Variants in ATRNL1 observed in about 807,000 individuals in gnomAD.
The protein encoded by ATRNL1 is attractin like 1, also known as attractin-like protein 1.
Under a neutral mutation model 182.7 loss-of-function variants are expected in ATRNL1, and 95 were observed. That is an observed-to-expected ratio of 0.52 (90% CI 0.44 to 0.62). The LOEUF is 0.62. Ranked by LOEUF, ATRNL1 falls within the 20% of genes least tolerant of loss-of-function variation. ATRNL1 has a pLI of 0.00. For synonymous variants in ATRNL1, 576 were observed against 568.3 expected, an observed-to-expected ratio of 1.01 and a Z score of -0.19; for missense variants, 1,471 against 1,679.5, an observed-to-expected ratio of 0.88 and a Z score of 2.17.
At chr10:115,473,114 T>C (rs1463150036) in intron 24 of ATRNL1, among the ~76,000 whole-genome samples, 3 of 151,310 alleles carry the variant, frequency 2.0e-5, no homozygotes, top group African/African-American at 7.3e-5. Context: ...ATAATTTTTG[T>C]CCTTCATTCT....
At chr10:115,328,917 A>G (rs1554934221) in intron 18 of ATRNL1, among the ~76,000 whole-genome samples, 2 of 152,116 alleles carry the variant, frequency 1.3e-5, no homozygotes, top group African/African-American at 4.8e-5. Flanking sequence ...GTGCTGCAAT[A>G]TATTAATACA....
chr10:115,759,483 C>G (rs543711430), intron 27 of ATRNL1, among the ~76,000 whole-genome samples: 202 of 151,994 alleles, frequency 1.3e-3, no homozygotes, highest in African/African-American at 4.4e-3. Flanking sequence ...TCAGATGACC[C>G]CTGGGGGAGT....
intron 26 of ATRNL1, among the ~76,000 whole-genome samples, chr10:115,696,888 AGAGAGAGAGAGC>A (rs1444707717): frequency 4.6e-5 from 7 of 150,706 alleles, no homozygotes; most frequent in African/African-American, 1.2e-4. Flanking sequence ...AGAGAGAGAG[AGAGAGAGAGAGC>A]GAGCGAGCTA....
chr10:115,750,718 A>G (rs1188664766), intron 27 of ATRNL1, among the ~76,000 whole-genome samples: 1 of 152,068 alleles, frequency 6.6e-6, no homozygotes, highest in East Asian at 1.9e-4. Flanking sequence ...AATTTTTGTC[A>G]TAAACAAAGG....
chr10:115,414,667 A>ATTTTT (rs1394831880), intron 20 of ATRNL1, among the ~76,000 whole-genome samples: 1 of 151,834 alleles, frequency 6.6e-6, no homozygotes. Context: ...CTTTCCTTTC[A>ATTTTT]TAAAAGTAAA....
intron 19 of ATRNL1, among the ~76,000 whole-genome samples, chr10:115,383,349 T>C (rs1314068673): frequency 6.6e-6 from 1 of 151,948 alleles, no homozygotes; most frequent in Non-Finnish European, 1.5e-5. Flanking sequence ...TTTTAAAAAA[T>C]GATAATTATG....
intron 25 of ATRNL1, among the ~76,000 whole-genome samples, chr10:115,539,645 C>T (rs1852237219): frequency 6.6e-6 from 1 of 152,156 alleles, no homozygotes; most frequent in African/African-American, 2.4e-5. Context: ...AGGGAGACCT[C>T]CCTCCCATTT....
chr10:115,946,253 T>C lies in ATRNL1; in HGVS notation c.*1474T>C, dbSNP rs782481520. The C allele has an allele frequency of 5.9e-5, 9 of 152,346 alleles. No homozygotes were observed. The highest frequency in any genetic ancestry group is 1.4e-4 in the African/African-American group (6 of 41,592). The allele number at this position is 152,346 out of a possible 1,614,324, so 9.4% of individuals were successfully genotyped here. ...TTTCTGGAAGGTTATGACACTTTAC[T>C]GTTTACAGCTAATGCATAGTTACTT... is the stretch of plus-strand genomic sequence containing the variant. On this transcript the variant is annotated 3_prime_UTR_variant, in exon 29 of 29. Coordinates refer to ENST00000355044, the MANE Select transcript of ATRNL1 (RefSeq NM_207303.4).
chr10:115,639,764 A>G (rs924415434), intron 26 of ATRNL1, among the ~76,000 whole-genome samples: 14 of 152,180 alleles, frequency 9.2e-5, no homozygotes, highest in Non-Finnish European at 1.8e-4. Flanking sequence ...AAGGCAAAAG[A>G]AGAGAGAGGG....
In ATRNL1 at chr10:115,586,738, CCTT is replaced by C. The variant is rs1170540618; in HGVS notation, c.3795+37208_3795+37210del. Reference sequence around the variant, plus strand: ...CTCAGAGTAATTTGATCGTCTGAAGCCTTCTTCTCTCAGCTCGTCAAAGTCATT... The same window carrying C: ...CTCAGAGTAATTTGATCGTCTGAAGCCTTCTCTCAGCTCGTCAAAGTCATT... On this transcript the variant is annotated intron_variant, in intron 26 of 28. Transcript: ENST00000355044. 1.7e-5 allele frequency among the ~76,000 whole-genome samples: 2 copies of C among 120,206 alleles called. 1 individual carries two copies. Among genetic ancestry groups the C allele is most frequent in the Non-Finnish European group, 3.7e-5 (2 of 54,114 alleles). The allele number at this position is 120,206 out of a possible 152,430, so 78.9% of individuals were successfully genotyped here.
chr10:115,927,503 C>T (rs1322927080), intron 28 of ATRNL1, among the ~76,000 whole-genome samples: 4 of 152,010 alleles, frequency 2.6e-5, no homozygotes, highest in Admixed American at 6.6e-5. Context: ...GAGAATCTTG[C>T]TATGATCTAA....
At chr10:115,418,506 T>A (rs2134366052) in intron 20 of ATRNL1, among the ~76,000 whole-genome samples, 1 of 151,108 alleles carries the variant, frequency 6.6e-6, no homozygotes, top group Admixed American at 6.6e-5. Context: ...CAAGAAGGAG[T>A]TGAGAGACAA....
Position 115,847,955 on chromosome 10 carries a change from C to A in ATRNL1, c.3982C>A (p.Arg1328=), listed in dbSNP as rs782226311. ...TCTGACTGTGTTTCTTTGTCTACCA[C>A]GAGGATCATCAGGTGCCCCTCCCCC... ...AVLTVFLCLP[R]GSSGAPPPGQ... is the part of the protein sequence containing the mutation. Residue 1328 remains arginine (R), a synonymous_variant, in exon 28 of 29, where the codon CGA becomes AGA. Coordinates refer to ENST00000355044, the MANE Select transcript of ATRNL1 (RefSeq NM_207303.4). 4 of 1,611,968 alleles carry A rather than the reference C, an allele frequency of 2.5e-6. No homozygotes were observed. The highest frequency in any genetic ancestry group is 3.4e-6 in the Non-Finnish European group (4 of 1,178,382).
chr10:115,444,163 T>C (rs1031640522), intron 21 of ATRNL1, among the ~76,000 whole-genome samples: 1 of 152,096 alleles, frequency 6.6e-6, no homozygotes, highest in Non-Finnish European at 1.5e-5. Context: ...AATCGAAGTG[T>C]CTACAGGCAA....
intron 26 of ATRNL1, among the ~76,000 whole-genome samples, chr10:115,565,351 A>T (rs1801291311): frequency 6.6e-6 from 1 of 152,054 alleles, no homozygotes; most frequent in African/African-American, 2.4e-5. Flanking sequence ...ATGTAAAATA[A>T]TAAAAAAAGG....
intron 20 of ATRNL1, among the ~76,000 whole-genome samples, chr10:115,405,692 CT>C (rs35948060): frequency 0.32 from 47,167 of 146,778 alleles, 8,505 homozygotes; most frequent in Middle Eastern, 0.46. Flanking sequence ...TGCCTGTTTT[CT>C]TTTTTTTTTT....
At chr10:115,917,864 C>G (rs1952919655) in intron 28 of ATRNL1, among the ~76,000 whole-genome samples, 1 of 152,096 alleles carries the variant, frequency 6.6e-6, no homozygotes, top group Non-Finnish European at 1.5e-5. Flanking sequence ...TAAATAGGGG[C>G]AACAAAAGTC....
chr10:115,167,287 A>G (rs1026938474), intron 7 of ATRNL1, among the ~76,000 whole-genome samples: 1 of 151,588 alleles, frequency 6.6e-6, no homozygotes, highest in Non-Finnish European at 1.5e-5. Flanking sequence ...GTACCGTACT[A>G]TTTAGATTAC....
At chr10:115,901,854 C>A (rs1421539367) in intron 28 of ATRNL1, among the ~76,000 whole-genome samples, 1 of 151,696 alleles carries the variant, frequency 6.6e-6, no homozygotes, top group Non-Finnish European at 1.5e-5. Context: ...TGATAGCGAG[C>A]AAATGCCCTC....
Sources: allele counts gnomAD v4.1 joint callset (sites outside exome capture counted in the v4.1 genomes callset), GRCh38; gene constraint gnomAD v4.1.1; transcripts MANE v1.5; gene names NCBI Gene and HGNC (gene_info 2026-07-23, HGNC 2026-07-21).